The following USP22 variants were observed in gnomAD, a reference collection of about 807,000 sequenced individuals.
USP22 encodes ubiquitin carboxyl-terminal hydrolase 22.
USP22 carries 22 observed loss-of-function variants against 68.1 expected under a neutral mutation model. That is an observed-to-expected ratio of 0.32 (90% CI 0.23 to 0.46). The LOEUF is 0.46. Ranked by LOEUF, USP22 falls within the 20% of genes least tolerant of loss-of-function variation. The pLI is 1.00. For synonymous variants in USP22, 279 were observed against 274.2 expected (o/e 1.02, Z -0.17); for missense variants, 433 against 695.8 (o/e 0.62, Z 4.25).
Position 21,002,939 on chromosome 17 carries a change from G to T in USP22, c.*92C>A. The T allele has an allele frequency of 1.3e-6, 2 of 1,501,330 alleles. No individual in the cohort carries two copies. Among genetic ancestry groups the T allele is most frequent in the East Asian group, 2.3e-5 (1 of 43,734 alleles). 93.0% of individuals were successfully genotyped at this position (1,501,330 alleles called of 1,614,324 possible). On this transcript the variant is annotated 3_prime_UTR_variant, in exon 13 of 13. Transcript: ENST00000261497. ...GGTGTCACCAGGCCGGGGAGGCGGC[G>T]GGAGACTTGGGGGAGGGGGGGGCCA...
intron 7 of USP22, among the ~76,000 whole-genome samples, chr17:21,011,925 T>C (rs1044183036): frequency 6.6e-6 from 1 of 152,212 alleles, no homozygotes; most frequent in East Asian, 1.9e-4. Context: ...GAGGTCCAAA[T>C]TGCTCAGAGC....
At chr17:21,020,243 CCAAAAAA>C (rs1567589036) in intron 3 of USP22, among the ~76,000 whole-genome samples, 1 of 8,262 alleles carries the variant, frequency 1.2e-4, no homozygotes, top group Non-Finnish European at 2.7e-4. Flanking sequence ...GAATCAAAAA[CCAAAAAA>C]AAAAAAAAAA....
At position 21,003,537 on chromosome 17, in the gene USP22, T is replaced by C. The variant is rs530460621; in HGVS notation, c.1536-464A>G. ...GAGTTCATGGCAGCTGGGGTCCCCC[T>C]GACCCCTGGAGGGTCAACAGGTTTC... On this transcript the variant is annotated intron_variant, in intron 12 of 12. Coordinates refer to ENST00000261497, the MANE Select transcript of USP22 (RefSeq NM_015276.2). Among the ~76,000 whole-genome samples, 15 of 152,334 alleles carry C rather than the reference T, an allele frequency of 9.8e-5. No homozygotes were observed. In the South Asian group the frequency reaches 3.1e-3, roughly 32 times the overall value.
At chr17:21,034,504 T>C (rs1417268404) in intron 1 of USP22, among the ~76,000 whole-genome samples, 1 of 152,212 alleles carries the variant, frequency 6.6e-6, no homozygotes, top group Non-Finnish European at 1.5e-5. Context: ...AACATGGAAA[T>C]GCCAGAAATA....
At position 21,002,746 on chromosome 17, in the gene USP22, T is replaced by C. The variant is rs1415552887; in HGVS notation, c.*285A>G. On this transcript the variant is annotated 3_prime_UTR_variant, in exon 13 of 13. Transcript: ENST00000261497. ...GTGAGGCCCCCGTTGCACCCCCATG[T>C]CATGACACAAGAGATGTTCTGGTGA... 6 of 399,130 alleles carry C rather than the reference T, an allele frequency of 1.5e-5. No homozygotes were observed. Among genetic ancestry groups the C allele is most frequent in the Non-Finnish European group, 2.9e-5 (6 of 209,268 alleles). 24.7% of individuals were successfully genotyped at this position (399,130 alleles called of 1,614,324 possible). A position where few individuals can be genotyped will look rare whatever the true frequency, so the allele number is the denominator to read the frequency against.
At chr17:21,024,121 G>A (rs1429054718) in intron 2 of USP22, among the ~76,000 whole-genome samples, 2 of 152,068 alleles carry the variant, frequency 1.3e-5, no homozygotes, top group African/African-American at 4.8e-5. Context: ...AATCCTGGTG[G>A]GAGCTGTCGC....
In USP22 at chr17:21,036,030, CAAAAAAAAA is replaced by C. The variant is rs35324126; in HGVS notation, c.171+6626_171+6634del. On this transcript the variant is annotated intron_variant, in intron 1 of 12. Transcript: ENST00000261497. The stretch of plus-strand genomic sequence containing the variant: ...TGGGCGACAGAGCAAGACTCCGTCT[CAAAAAAAAA>C]AAAAAAAAAAAAAAAAGGAATGAAC... Among the ~76,000 whole-genome samples, 11 of 59,634 alleles carry C rather than the reference CAAAAAAAAA, an allele frequency of 1.8e-4. No homozygotes were observed. The Admixed American group carries it at 2.1e-3, about 11-fold the overall frequency. The allele number at this position is 59,634 out of a possible 152,430, so 39.1% of individuals were successfully genotyped here. A position where few individuals can be genotyped will look rare whatever the true frequency, so the allele number is the denominator to read the frequency against.
At chr17:21,011,061 G>A in intron 8 of USP22, 90 bp downstream of exon 8, 2 of 1,483,326 alleles carry the variant, frequency 1.3e-6, no homozygotes, top group Non-Finnish European at 1.8e-6. Flanking sequence ...CTCTGTCCTG[G>A]GCATGTGAAA....
intron 6 of USP22, among the ~76,000 whole-genome samples, chr17:21,013,564 T>A (rs1914033690): frequency 6.6e-6 from 1 of 152,240 alleles, no homozygotes; most frequent in Non-Finnish European, 1.5e-5. Flanking sequence ...ATATTCTACA[T>A]AACTTCACTA....
At chr17:21,015,966 A>C in intron 5 of USP22, 67 bp from the exon 6 acceptor site, 1 of 1,531,098 alleles carries the variant, frequency 6.5e-7, no homozygotes, top group Non-Finnish European at 8.8e-7. Flanking sequence ...GAGTACACAC[A>C]ATCAAAACCT....
intron 1 of USP22, 52 bp from the exon 2 acceptor site, chr17:21,028,726 C>G (rs752899436): frequency 1.3e-6 from 2 of 1,589,028 alleles, no homozygotes. Flanking sequence ...GACAGGGGTG[C>G]TCAGAGGAAA....
At chr17:21,011,567 GACCATC>G (rs1410059486) in intron 7 of USP22, 1 of 448,796 alleles carries the variant, frequency 2.2e-6, no homozygotes, top group African/African-American at 2.0e-5. Flanking sequence ...CCAGTCTGGA[GACCATC>G]ACAGTCACTG....
chr17:21,009,842 C>A (rs979536620), intron 8 of USP22, among the ~76,000 whole-genome samples: 8 of 152,046 alleles, frequency 5.3e-5, no homozygotes, highest in Non-Finnish European at 8.8e-5. Context: ...GTAATCCCAG[C>A]CACTCGGGAG....
At chr17:21,021,480 G>C (rs1473844423) in intron 2 of USP22, among the ~76,000 whole-genome samples, 5 of 152,142 alleles carry the variant, frequency 3.3e-5, no homozygotes, top group Admixed American at 2.6e-4. Context: ...ACTTTTCAAA[G>C]CAGCCAATAC....
rs9916743 is a variant in USP22, at chr17:21,010,451, T to C, written c.1103+700A>G. ...GAGCACTTTGGGAGGCCGAGGTGGG[T>C]GAATCACCTGATATCACGAGTTCGA... On this transcript the variant is annotated intron_variant, in intron 8 of 12. Coordinates refer to ENST00000261497, the MANE Select transcript of USP22 (RefSeq NM_015276.2). 2.4e-3 allele frequency among the ~76,000 whole-genome samples: 358 copies of C among 151,640 alleles called. 3 individuals carry two copies. The highest frequency in any genetic ancestry group is 8.4e-3 in the African/African-American group (348 of 41,262).
intron 2 of USP22, among the ~76,000 whole-genome samples, chr17:21,028,320 G>C (rs190267227): frequency 9.1e-4 from 138 of 152,276 alleles, no homozygotes; most frequent in Non-Finnish European, 1.6e-3. Flanking sequence ...TAAGACAGCA[G>C]GCCATTCACT....
chr17:21,024,874 T>G (rs750887351), intron 2 of USP22, among the ~76,000 whole-genome samples: 8 of 152,094 alleles, frequency 5.3e-5, no homozygotes, highest in Non-Finnish European at 1.0e-4. Context: ...AGGCTGAGGT[T>G]GGGAGGATCA....
At chr17:21,012,168 G>A (rs903679102) in intron 7 of USP22, among the ~76,000 whole-genome samples, 2 of 152,172 alleles carry the variant, frequency 1.3e-5, no homozygotes, top group Non-Finnish European at 2.9e-5. Context: ...CATGCCTGTA[G>A]TCCCAGCTAC....
chr17:21,002,306 A>C lies in USP22; in HGVS notation c.*725T>G, dbSNP rs962074964. The C allele has an allele frequency of 3.9e-5, 6 of 152,240 alleles. No individual in the cohort carries two copies. Among genetic ancestry groups the C allele is most frequent in the African/African-American group, 1.4e-4 (6 of 41,460 alleles). 9.4% of individuals were successfully genotyped at this position (152,240 alleles called of 1,614,324 possible). A position where few individuals can be genotyped will look rare whatever the true frequency, so the allele number is the denominator to read the frequency against. Reference sequence around the variant, plus strand: ...GGAGAAGTTACCTAAATTTCTGTATAAACTCAGTAATTCATTCACTTTACT... The same window carrying C: ...GGAGAAGTTACCTAAATTTCTGTATCAACTCAGTAATTCATTCACTTTACT... On this transcript the variant is annotated 3_prime_UTR_variant, in exon 13 of 13. Coordinates refer to ENST00000261497, the MANE Select transcript of USP22 (RefSeq NM_015276.2).
Sources: allele counts gnomAD v4.1 joint callset (sites outside exome capture counted in the v4.1 genomes callset), GRCh38; gene constraint gnomAD v4.1.1; transcripts MANE v1.5; gene names NCBI Gene and HGNC (gene_info 2026-07-23, HGNC 2026-07-21).